The following PPAT variants were observed in gnomAD, a reference collection of about 807,000 sequenced individuals.
PPAT encodes the protein amidophosphoribosyltransferase.
In PPAT, 20 loss-of-function variants were observed where a neutral mutation model predicts 60.2. The ratio of observed to expected loss-of-function variants is 0.33; its 90% CI spans 0.23 to 0.48. The LOEUF is 0.48. Among genes scored for constraint, PPAT ranks in the 20% least tolerant of loss-of-function variants. The probability of loss-of-function intolerance (pLI) is 0.99; values close to 1 mark genes in which losing one functional copy is unlikely to be tolerated. For synonymous variants in PPAT, 194 were observed against 215.1 expected (o/e 0.90, Z 0.86); for missense variants, 349 against 629.6 (o/e 0.55, Z 4.77).
At position 56,393,465 on chromosome 4, in the gene PPAT, T is replaced by C. The variant is rs1235311422; in HGVS notation, c.*1887A>G. On this transcript the variant is annotated 3_prime_UTR_variant, in exon 11 of 11. Coordinates refer to ENST00000264220, the MANE Select transcript of PPAT (RefSeq NM_002703.5). ...AATATAAATCCCGTGAAAACACATT[T>C]TTCATCTCTGCAGTTTATAATACTC... 5.3e-5 allele frequency: 8 copies of C among 152,198 alleles called. No individual in the cohort carries two copies. Among genetic ancestry groups the C allele is most frequent in the African/African-American group, 1.7e-4 (7 of 41,452 alleles). The allele number at this position is 152,198 out of a possible 1,614,324, so 9.4% of individuals were successfully genotyped here.
Position 56,395,546 on chromosome 4 carries a change from C to T in PPAT, c.1360G>A (p.Ala454Thr). Residue 454 changes from alanine to threonine, a missense_variant and splice_region_variant, in exon 11 of 11, where the codon GCA becomes ACA. By Grantham distance (58) the Ala-to-Thr change is moderately conservative (BLOSUM62 0). Coordinates refer to ENST00000264220, the MANE Select transcript of PPAT (RefSeq NM_002703.5). ...EFDHLAEYLG[A>T]NSVVYLSVEG... ...ACTGACAGATACACAACACTGTTTG[C>T]TCCTAAAGAAAGAGGGAAAAATAAA... 6.5e-7 allele frequency: 1 copy of T among 1,527,596 alleles called. No homozygotes were observed. Among genetic ancestry groups the T allele is most frequent in the Non-Finnish European group, 8.7e-7 (1 of 1,145,490 alleles). The allele number at this position is 1,527,596 out of a possible 1,614,324, so 94.6% of individuals were successfully genotyped here. A position where few individuals can be genotyped will look rare whatever the true frequency, so the allele number is the denominator to read the frequency against.
At chr4:56,410,439 T>C in intron 1 of PPAT, 1 of 798,454 alleles carries the variant, frequency 1.3e-6, no homozygotes, top group Non-Finnish European at 1.5e-6. Flanking sequence ...CGGAGCTTAT[T>C]GACAACCAGC....
chr4:56,419,300 G>C (rs973412462), intron 1 of PPAT, among the ~76,000 whole-genome samples: 9 of 151,862 alleles, frequency 5.9e-5, no homozygotes, highest in Non-Finnish European at 1.0e-4. Flanking sequence ...TTTATATATT[G>C]AACTTCCACT....
chr4:56,411,279 A>T (rs1716450438), intron 1 of PPAT, among the ~76,000 whole-genome samples: 1 of 152,198 alleles, frequency 6.6e-6, no homozygotes, highest in African/African-American at 2.4e-5. Context: ...TGCTCAACTG[A>T]TGTTTTTCCA....
chr4:56,435,571 G>A lies in PPAT; in HGVS notation c.-94C>T. 3 of 1,591,942 alleles carry A rather than the reference G, an allele frequency of 1.9e-6. No individual in the cohort carries two copies. The highest frequency in any genetic ancestry group is 1.1e-5 in the South Asian group (1 of 88,950). On this transcript the variant is annotated 5_prime_UTR_variant, in exon 1 of 11. Coordinates refer to ENST00000264220, the MANE Select transcript of PPAT (RefSeq NM_002703.5). ...CTCGGCCCGTCGAGCTCAGAAGCTC[G>A]CGCTCGCGACAGGCTCTTCCTTCCC...
intron 1 of PPAT, among the ~76,000 whole-genome samples, chr4:56,414,705 C>T (rs78123676): frequency 7.2e-5 from 11 of 152,210 alleles, no homozygotes; most frequent in African/African-American, 2.2e-4. Flanking sequence ...TTTCTATGGA[C>T]GTAAATCTGG....
rs1195440427 is a variant in PPAT at position 56,396,697 on chromosome 4, A to G, written c.1279T>C (p.Phe427Leu). ...VASPPIKYPC[F>L]MGINIPTKEE... ...TTTGTAGGAATGTTTATTCCCATGA[A>G]GCATGGATATTTAATTGGTGGTGAA... Residue 427 changes from phenylalanine to leucine, a missense_variant, in exon 10 of 11, where the codon TTC becomes CTC. By Grantham distance (22) the Phe-to-Leu change is conservative. This residue lies in a region of PPAT where 167 missense variants were observed against 328.6 expected (regional missense o/e 0.51). Transcript: ENST00000264220. This position sits in a 1 kb window ranked among gnomAD's most constrained non-coding sequence, Gnocchi z 4.6. 1 of 1,611,202 alleles carries G rather than the reference A, an allele frequency of 6.2e-7. No individual in the cohort carries two copies. The highest frequency in any genetic ancestry group is 8.5e-7 in the Non-Finnish European group (1 of 1,177,862).
chr4:56,419,092 G>A (rs1405562233), intron 1 of PPAT, among the ~76,000 whole-genome samples: 2 of 152,176 alleles, frequency 1.3e-5, no homozygotes, highest in Non-Finnish European at 2.9e-5. Context: ...TCACAGTCTG[G>A]GGATGAGGGA....
intron 1 of PPAT, chr4:56,419,758 A>C (rs1484404793): frequency 1.0e-6 from 1 of 984,820 alleles, no homozygotes; most frequent in Non-Finnish European, 1.2e-6. Flanking sequence ...CGACAACTAG[A>C]GGGAACAGTG....
chr4:56,395,099 C>G lies in PPAT; in HGVS notation c.*253G>C, dbSNP rs1715933756. 1 of 367,844 alleles carries G rather than the reference C, an allele frequency of 2.7e-6. No individual in the cohort carries two copies. The highest frequency in any genetic ancestry group is 6.1e-5 in the East Asian group (1 of 16,374). The allele number at this position is 367,844 out of a possible 1,614,324, so 22.8% of individuals were successfully genotyped here. A position where few individuals can be genotyped will look rare whatever the true frequency, so the allele number is the denominator to read the frequency against. The stretch of plus-strand genomic sequence containing the variant: ...TCAGTGACCACCTGCCTTCTCTGAC[C>G]AGGTTAAAAAGGCTAGCCAATGCTT... On this transcript the variant is annotated 3_prime_UTR_variant, in exon 11 of 11. Coordinates refer to ENST00000264220, the MANE Select transcript of PPAT (RefSeq NM_002703.5).
chr4:56,425,494 T>G (rs1717240462), intron 1 of PPAT: 1 of 359,868 alleles, frequency 2.8e-6, no homozygotes. Context: ...ACTTGTTTAT[T>G]ATGAAGTCAT....
chr4:56,422,963 C>G (rs544954194), intron 1 of PPAT: 1 of 152,254 alleles, frequency 6.6e-6, no homozygotes, highest in African/African-American at 2.4e-5. Flanking sequence ...AACAAGTCTT[C>G]CAGGTTATAA....
chr4:56,420,918 C>T (rs529130898), intron 1 of PPAT: 2 of 152,204 alleles, frequency 1.3e-5, no homozygotes, highest in Admixed American at 6.6e-5. Context: ...AGTTGTAAGG[C>T]TCTGTGGAAG....
At chr4:56,428,620 A>C (rs1717418899) in intron 1 of PPAT, among the ~76,000 whole-genome samples, 1 of 152,170 alleles carries the variant, frequency 6.6e-6, no homozygotes, top group Non-Finnish European at 1.5e-5. Flanking sequence ...GTAACTTTGG[A>C]ATTGACATTA....
At chr4:56,431,935 A>G (rs1353238179) in intron 1 of PPAT, among the ~76,000 whole-genome samples, 3 of 152,220 alleles carry the variant, frequency 2.0e-5, no homozygotes, top group African/African-American at 7.2e-5. Flanking sequence ...TACAGCTAAG[A>G]GGACATGTGA....
chr4:56,433,014 A>T lies in PPAT; in HGVS notation c.128+2336T>A, dbSNP rs1024486990. ...CACGTATTTTATATATATATATATA[A>T]AACTAAACTAAAAGAAAAAGTTCTT... On this transcript the variant is annotated intron_variant, in intron 1 of 10. Coordinates refer to ENST00000264220, the MANE Select transcript of PPAT (RefSeq NM_002703.5). Among the ~76,000 whole-genome samples the T allele has an allele frequency of 3.0e-4, 45 of 148,942 alleles. No individual in the cohort carries two copies. In the East Asian group the frequency reaches 8.6e-3, roughly 28 times the overall value.
At chr4:56,414,797 C>A (rs925118361) in intron 1 of PPAT, among the ~76,000 whole-genome samples, 1 of 152,272 alleles carries the variant, frequency 6.6e-6, no homozygotes, top group Admixed American at 6.5e-5. Flanking sequence ...ATAACCTGGG[C>A]CCTGTTTCTC....
chr4:56,408,129 T>C (rs1453440389), intron 1 of PPAT: 1 of 161,520 alleles, frequency 6.2e-6, no homozygotes, highest in Non-Finnish European at 1.4e-5. Flanking sequence ...ATACAATGAC[T>C]AGAGAGAATT....
At position 56,396,920 on chromosome 4, in the gene PPAT, T is replaced by C; in HGVS notation, c.1237-181A>G. 2.1e-6 allele frequency: 1 copy of C among 484,206 alleles called. No individual in the cohort carries two copies. The highest frequency in any genetic ancestry group is 3.8e-5 in the South Asian group (1 of 26,086). The allele number at this position is 484,206 out of a possible 1,614,324, so 30.0% of individuals were successfully genotyped here. A position where few individuals can be genotyped will look rare whatever the true frequency, so the allele number is the denominator to read the frequency against. ...TTTCACCTAATCATGAGGAAGTTTC[T>C]TTGTCTAGATATCCTACTTCTCATT... On this transcript the variant is annotated intron_variant, in intron 9 of 10. Coordinates refer to ENST00000264220, the MANE Select transcript of PPAT (RefSeq NM_002703.5). The surrounding 1 kb of genome is among the most constrained non-coding windows in gnomAD (Gnocchi z 4.6).
Sources: allele counts gnomAD v4.1 joint callset (sites outside exome capture counted in the v4.1 genomes callset), GRCh38; gene constraint gnomAD v4.1.1; regional missense constraint gnomAD v4.1.1; non-coding constraint Gnocchi (gnomAD v3.1); transcripts MANE v1.5; gene names NCBI Gene and HGNC (gene_info 2026-07-23, HGNC 2026-07-21).